The following ARPC4 variants were observed in gnomAD, a reference collection of about 807,000 sequenced individuals.
The protein encoded by ARPC4 is actin-related protein 2/3 complex subunit 4.
ARPC4 carries 3 observed loss-of-function variants against 22.8 expected under a neutral mutation model. The observed-to-expected ratio is 0.13, with a 90% CI of 0.06 to 0.34. The LOEUF is 0.34. Among genes scored for constraint, ARPC4 ranks in the 10% least tolerant of loss-of-function variants. ARPC4 has a pLI of 1.00. For synonymous variants in ARPC4, 80 were observed against 72.5 expected, an observed-to-expected ratio of 1.10 and a Z score of -0.52; for missense variants, 98 against 211.0, an observed-to-expected ratio of 0.46 and a Z score of 3.32.
upstream of ARPC4, chr3:9,792,585 A>G: frequency 8.1e-7 from 1 of 1,229,372 alleles, no homozygotes; most frequent in Non-Finnish European, 1.0e-6. Context: ...AAGCCGCTAG[A>G]GGTGGGGTGC....
chr3:9,797,587 C>T (rs1156314880), intron 1 of ARPC4, 72 bp from the exon 2 acceptor site: 1 of 1,536,822 alleles, frequency 6.5e-7, no homozygotes, highest in Non-Finnish European at 8.9e-7. Flanking sequence ...TTCATGGGAG[C>T]TGGAATAGGG....
At position 9,806,402 on chromosome 3, in the gene ARPC4, C is replaced by T. The variant is rs1486945054; in HGVS notation, c.*187C>T. The T allele has an allele frequency of 5.8e-6, 4 of 685,510 alleles. No individual in the cohort carries two copies. The East Asian group carries it at 7.9e-5, about 14-fold the overall frequency. 42.5% of individuals were successfully genotyped at this position (685,510 alleles called of 1,614,324 possible). A position where few individuals can be genotyped will look rare whatever the true frequency, so the allele number is the denominator to read the frequency against. On this transcript the variant is annotated 3_prime_UTR_variant, in exon 6 of 6. Transcript: ENST00000397261. Reference sequence around the variant, plus strand: ...AGCAGCAGTGGACCTGCCCCAAGGCCACACGTGCCTGGTCAGGCTGGCTTC... The same window carrying T: ...AGCAGCAGTGGACCTGCCCCAAGGCTACACGTGCCTGGTCAGGCTGGCTTC...
intron 2 of ARPC4, 132 bp downstream of exon 2, chr3:9,797,909 C>A: frequency 2.1e-6 from 2 of 963,756 alleles, no homozygotes; most frequent in Non-Finnish European, 3.0e-6. Flanking sequence ...TTGCTGCCAG[C>A]TGAATGGTGA....
intron 1 of ARPC4, 68 bp from the exon 2 acceptor site, chr3:9,797,591 A>C: frequency 6.4e-7 from 1 of 1,551,830 alleles, no homozygotes; most frequent in Non-Finnish European, 8.8e-7. Context: ...TGGGAGCTGG[A>C]ATAGGGGATC....
chr3:9,802,519 G>T (rs1406978756), intron 4 of ARPC4, among the ~76,000 whole-genome samples: 1 of 150,786 alleles, frequency 6.6e-6, no homozygotes, highest in South Asian at 2.1e-4. Flanking sequence ...GGGACTACAG[G>T]CGCCCACCAC....
At chr3:9,798,543 G>A (rs192674476) in intron 2 of ARPC4, among the ~76,000 whole-genome samples, 23 of 152,224 alleles carry the variant, frequency 1.5e-4, no homozygotes, top group Non-Finnish European at 2.5e-4. Context: ...CCAACATTGC[G>A]ACAGTGCACT....
intron 2 of ARPC4, among the ~76,000 whole-genome samples, chr3:9,798,833 C>T (rs1401265683): frequency 6.6e-6 from 1 of 152,058 alleles, no homozygotes; most frequent in African/African-American, 2.4e-5. Flanking sequence ...AAGATCGTGC[C>T]ACCGCACTCC....
chr3:9,798,826 A>G (rs760270465), intron 2 of ARPC4, among the ~76,000 whole-genome samples: 47 of 152,188 alleles, frequency 3.1e-4, no homozygotes, highest in Non-Finnish European at 4.3e-4. Context: ...GTGAGCCAAG[A>G]TCGTGCCACC....
chr3:9,793,822 C>T (rs2078814886), intron 1 of ARPC4, among the ~76,000 whole-genome samples: 1 of 152,176 alleles, frequency 6.6e-6, no homozygotes, highest in Non-Finnish European at 1.5e-5. Context: ...GACCATCTCC[C>T]TCTTCGTCAC....
At chr3:9,795,245 C>T (rs968569351) in intron 1 of ARPC4, among the ~76,000 whole-genome samples, 2 of 152,112 alleles carry the variant, frequency 1.3e-5, no homozygotes, top group Admixed American at 6.5e-5. Context: ...GGTGGTCCAC[C>T]CACCTCGGCC....
At chr3:9,801,856 A>G (rs574510201) in intron 4 of ARPC4, 100 bp downstream of exon 4, 2 of 1,206,712 alleles carry the variant, frequency 1.7e-6, no homozygotes, top group East Asian at 5.4e-5. Context: ...TTTGGCACCC[A>G]CTGCCTGAAT....
In ARPC4 at chr3:9,801,212, GAAAAAAAAAA is replaced by G. The variant is rs745696982; in HGVS notation, c.235-433_235-424del. ...GGTGACAGAGCGAGATTCCATCTCA[GAAAAAAAAAA>G]AAAAAAAAAAAAAAAGAAATGTTGA... On this transcript the variant is annotated intron_variant, in intron 3 of 5. Coordinates refer to ENST00000397261, the MANE Select transcript of ARPC4 (RefSeq NM_005718.5). Among the ~76,000 whole-genome samples, 109 of 66,458 alleles carry G rather than the reference GAAAAAAAAAA, an allele frequency of 1.6e-3. No homozygotes were observed. The East Asian group carries it at 0.035, about 21-fold the overall frequency. 43.6% of individuals were successfully genotyped at this position (66,458 alleles called of 152,430 possible).
rs201770193 is a variant in ARPC4, at chr3:9,795,934, A to T, written c.4-1725A>T. Among the ~76,000 whole-genome samples, 33 of 152,262 alleles carry T rather than the reference A, an allele frequency of 2.2e-4. No individual in the cohort carries two copies. In the East Asian group the frequency reaches 6.4e-3, roughly 29 times the overall value. Reference sequence around the variant, plus strand: ...AACATGGCGAAACCCCATCTCTACTAAAAATACAAAAATTAACCAGGCACG... The same window carrying T: ...AACATGGCGAAACCCCATCTCTACTTAAAATACAAAAATTAACCAGGCACG... On this transcript the variant is annotated intron_variant, in intron 1 of 5. Transcript: ENST00000397261.
intron 5 of ARPC4, 93 bp downstream of exon 5, chr3:9,804,106 G>A (rs2079063649): frequency 1.4e-6 from 2 of 1,447,388 alleles, no homozygotes; most frequent in Non-Finnish European, 9.5e-7. Context: ...GGTCCAAGCA[G>A]TGTGTTTATA....
chr3:9,796,398 A>G (rs763563014), intron 1 of ARPC4, among the ~76,000 whole-genome samples: 2 of 152,224 alleles, frequency 1.3e-5, no homozygotes, highest in African/African-American at 4.8e-5. Flanking sequence ...CCCTCTCAAA[A>G]ATAAATATTA....
intron 4 of ARPC4, among the ~76,000 whole-genome samples, chr3:9,802,665 G>A (rs1008105337): frequency 1.8e-4 from 23 of 129,008 alleles, no homozygotes; most frequent in African/African-American, 5.4e-4. Context: ...TTGAGCCACC[G>A]CGCCTGGCCT....
At position 9,800,294 on chromosome 3, in the gene ARPC4, C is replaced by A. The variant is rs777058198; in HGVS notation, c.232C>A (p.Gln78Lys). 1 of 1,613,916 alleles carries A rather than the reference C, an allele frequency of 6.2e-7. No individual in the cohort carries two copies. The highest frequency in any genetic ancestry group is 1.7e-5 in the Admixed American group (1 of 59,990). ...TGTCCGGGTCAGCATTGCTGTGAAA[C>A]AGGTAAGTTCACCATGGAGGAGGCC... The part of the protein sequence containing the change: ...NSVRVSIAVK[Q>K]ADEIEKILCH... The change falls in exon 3 of 6, where the codon CAG becomes AAG. Residue 78 changes from glutamine (Q) to lysine (K), a missense_variant and splice_region_variant. By Grantham distance (53) the Gln-to-Lys change is moderately conservative. Coordinates refer to ENST00000397261, the MANE Select transcript of ARPC4 (RefSeq NM_005718.5).
chr3:9,797,478 GA>G (rs1303880242), intron 1 of ARPC4, among the ~76,000 whole-genome samples, 180 bp from the exon 2 acceptor site: 1 of 152,146 alleles, frequency 6.6e-6, no homozygotes, highest in African/African-American at 2.4e-5. Context: ...GTCTCCTGTT[GA>G]AAACTACCAC....
Position 9,793,118 on chromosome 3 carries a change from C to G in ARPC4, c.-4C>G. ...TCCGCTTTCCGGCCCAGCCAGCGCC[C>G]GCGATGGTGAGAGAGCCGGGCCCCC... On this transcript the variant is annotated 5_prime_UTR_variant, in exon 1 of 6. Transcript: ENST00000397261. The G allele has an allele frequency of 2.6e-6, 4 of 1,544,010 alleles. No individual in the cohort carries two copies. The highest frequency in any genetic ancestry group is 3.5e-6 in the Non-Finnish European group (4 of 1,143,998).
Sources: gnomAD v4.1 joint callset for allele counts (sites outside exome capture counted in the v4.1 genomes callset) on GRCh38, gnomAD v4.1.1 for gene constraint, MANE v1.5 for transcripts, NCBI Gene and HGNC (gene_info 2026-07-23, HGNC 2026-07-21) for gene names.